SCUBE2: variants seen among roughly 807,000 people sequenced by gnomAD.
SCUBE2 encodes the protein signal peptide, CUB and EGF-like domain-containing protein 2.
Under a neutral mutation model 125.9 loss-of-function variants are expected in SCUBE2, and 114 were observed. The observed-to-expected ratio is 0.91, with a 90% CI of 0.78 to 1.06. The LOEUF is 1.06. Ranked by LOEUF, SCUBE2 falls within the 50% of genes least tolerant of loss-of-function variation. The probability of loss-of-function intolerance (pLI) is 0.00; values close to 1 mark genes in which losing one functional copy is unlikely to be tolerated. For synonymous variants in SCUBE2, 459 were observed against 492.9 expected, an observed-to-expected ratio of 0.93 and a Z score of 0.91; for missense variants, 1,255 against 1,301.8, an observed-to-expected ratio of 0.96 and a Z score of 0.55.
intron 10 of SCUBE2, among the ~76,000 whole-genome samples, chr11:9,054,725 A>ATATATATATATATTTTTTTT (rs1368153935): frequency 9.0e-5 from 2 of 22,346 alleles, no homozygotes; most frequent in Non-Finnish European, 1.4e-4. Flanking sequence ...ATATATATAT[A>ATATATATATATATTTTTTTT]TTTTTTTTTT....
rs575035933 is a variant in SCUBE2 at position 9,047,987 on chromosome 11, A to G, written c.1751T>C (p.Ile584Thr). ...AGTTTCAAGCTCAAACTCAACAGTG[A>G]TAAACATTTCCTTAGGGGTGCTTGG... ...GRPSTPKEMFITVEFELETNQ... is the reference protein window; with the variant it reads ...GRPSTPKEMFTTVEFELETNQ... Residue 584 changes from isoleucine (I) to threonine (T), a missense_variant, in exon 15 of 23, where the codon ATC becomes ACC. Around this residue, in one of 3 missense-constraint regions of SCUBE2, gnomAD observed 378 missense variants for 463.1 expected, o/e 0.82. Transcript: ENST00000649792. 6.2e-7 allele frequency: 1 copy of G among 1,614,154 alleles called. No individual in the cohort carries two copies. Among genetic ancestry groups the G allele is most frequent in the South Asian group, 1.1e-5 (1 of 91,082 alleles).
chr11:9,025,657 T>C, intron 21 of SCUBE2, 45 bp downstream of exon 21: 1 of 1,607,236 alleles, frequency 6.2e-7, no homozygotes, highest in African/African-American at 1.3e-5. Context: ...GTTGGCTCTG[T>C]TCAAAGCAGA....
intron 6 of SCUBE2, 68 bp from the exon 7 acceptor site, chr11:9,066,048 G>A: frequency 1.9e-6 from 2 of 1,069,810 alleles, no homozygotes; most frequent in Non-Finnish European, 2.8e-6. Flanking sequence ...CCATACAACT[G>A]TGTTTGCTGA....
intron 10 of SCUBE2, among the ~76,000 whole-genome samples, chr11:9,055,033 A>T (rs536017362): frequency 1.3e-5 from 2 of 152,228 alleles, no homozygotes; most frequent in African/African-American, 4.8e-5. Flanking sequence ...CACGCCCAGC[A>T]TATCCAATCT....
At chr11:9,089,197 G>A (rs1862391002) in intron 2 of SCUBE2, among the ~76,000 whole-genome samples, 1 of 152,216 alleles carries the variant, frequency 6.6e-6, no homozygotes, top group Non-Finnish European at 1.5e-5. Flanking sequence ...AACTCCAAAC[G>A]AGGAAGGTCC....
chr11:9,051,749 C>A (rs1161610744), intron 13 of SCUBE2, among the ~76,000 whole-genome samples: 2 of 152,140 alleles, frequency 1.3e-5, no homozygotes, highest in Non-Finnish European at 2.9e-5. Context: ...TGAGATAATG[C>A]ATTTAAAAAA....
intron 17 of SCUBE2, chr11:9,031,261 G>A (rs1156471063): frequency 1.6e-5 from 3 of 182,684 alleles, no homozygotes; most frequent in African/African-American, 7.0e-5. Context: ...AGGAGAGAGA[G>A]TTCTCTGCCC....
At chr11:9,058,054 T>G (rs932634219) in intron 9 of SCUBE2, among the ~76,000 whole-genome samples, 1 of 152,126 alleles carries the variant, frequency 6.6e-6, no homozygotes, top group African/African-American at 2.4e-5. Context: ...GGGAAGGATG[T>G]GTTTGAGAAG....
intron 21 of SCUBE2, among the ~76,000 whole-genome samples, chr11:9,022,375 T>C (rs897365374): frequency 6.6e-6 from 1 of 152,186 alleles, no homozygotes; most frequent in Non-Finnish European, 1.5e-5. Context: ...ATCCCTCCCT[T>C]GACCTCATTT....
At position 9,030,182 on chromosome 11, in the gene SCUBE2, A is replaced by T. The variant is rs140704795; in HGVS notation, c.2342-137T>A. 3.2e-4 allele frequency: 291 copies of T among 921,768 alleles called. 3 individuals are homozygous for T. In the East Asian group the frequency reaches 7.6e-3, roughly 24 times the overall value. 57.1% of individuals were successfully genotyped at this position (921,768 alleles called of 1,614,324 possible). ...AGGGCTTTCCTACCAATCTGGGGCT[A>T]ATCAACACTTAATTCCCTAAATAGG... On this transcript the variant is annotated intron_variant, in intron 18 of 22. Coordinates refer to ENST00000649792, the MANE Select transcript of SCUBE2 (RefSeq NM_001367977.2).
chr11:9,074,659 A>C (rs1353585746), intron 3 of SCUBE2, 44 bp from the exon 4 acceptor site: 7 of 1,610,900 alleles, frequency 4.3e-6, no homozygotes, highest in Non-Finnish European at 5.9e-6. Flanking sequence ...TGACTGTTTC[A>C]ATGCCCCACC....
chr11:9,067,690 C>T (rs1232955495), intron 5 of SCUBE2, among the ~76,000 whole-genome samples: 3 of 151,660 alleles, frequency 2.0e-5, no homozygotes, highest in Non-Finnish European at 2.9e-5. Context: ...ATTCCTCAAA[C>T]GTTAAATATG....
intron 13 of SCUBE2, among the ~76,000 whole-genome samples, chr11:9,050,934 A>G (rs539231589): frequency 6.6e-6 from 1 of 152,298 alleles, no homozygotes; most frequent in South Asian, 2.1e-4. Flanking sequence ...CTCATGTGAG[A>G]GGCAAATCCA....
chr11:9,038,391 G>C (rs1856919454), intron 16 of SCUBE2, among the ~76,000 whole-genome samples: 1 of 152,284 alleles, frequency 6.6e-6, no homozygotes. Context: ...TGTAATCCCA[G>C]CACACTGGGA....
At chr11:9,064,628 C>G (rs1035812512) in intron 7 of SCUBE2, 3 of 151,944 alleles carry the variant, frequency 2.0e-5, no homozygotes, top group Non-Finnish European at 4.4e-5. Context: ...AGTTATGAGA[C>G]AAGGAAATGA....
intron 4 of SCUBE2, among the ~76,000 whole-genome samples, chr11:9,069,800 G>A (rs573975874): frequency 3.9e-5 from 6 of 152,302 alleles, no homozygotes; most frequent in Admixed American, 3.3e-4. Context: ...TGGTACTCAC[G>A]CTCTTATCTC....
At position 9,019,572 on chromosome 11, in the gene SCUBE2, G is replaced by A. The variant is rs976597237; in HGVS notation, c.*1473C>T. Among the ~76,000 whole-genome samples, 1 of 151,408 alleles carries A rather than the reference G, an allele frequency of 6.6e-6. No homozygotes were observed. The highest frequency in any genetic ancestry group is 1.5e-5 in the Non-Finnish European group (1 of 67,898). On this transcript the variant is annotated 3_prime_UTR_variant, in exon 23 of 23. Coordinates refer to ENST00000649792, the MANE Select transcript of SCUBE2 (RefSeq NM_001367977.2). ...AGAGAAATCTGAAAATGAATATTTA[G>A]GGCCCATCCAAATAAAGAAGTTTGA...
intron 5 of SCUBE2, among the ~76,000 whole-genome samples, chr11:9,068,912 TCCA>T (rs2135748039): frequency 6.6e-6 from 1 of 152,182 alleles, no homozygotes; most frequent in East Asian, 1.9e-4. Context: ...TGAGTGAGAG[TCCA>T]CCACGCCAGG....
At position 9,027,989 on chromosome 11, in the gene SCUBE2, G is replaced by A. The variant is rs1000819874; in HGVS notation, c.2504-428C>T. ...TTTTCAGAGAACTTTGATGAAGACAGACATATATTTTTCACTTTTCTCTCT... is the reference window on the plus strand; with the variant it reads ...TTTTCAGAGAACTTTGATGAAGACAAACATATATTTTTCACTTTTCTCTCT... On this transcript the variant is annotated intron_variant, in intron 19 of 22. Transcript: ENST00000649792. 1.1e-4 allele frequency among the ~76,000 whole-genome samples: 16 copies of A among 152,264 alleles called. 1 individual carries two copies. The highest frequency in any genetic ancestry group is 3.8e-4 in the African/African-American group (16 of 41,560).
Sources: gnomAD v4.1 joint callset for allele counts (sites outside exome capture counted in the v4.1 genomes callset) on GRCh38, gnomAD v4.1.1 for gene constraint, gnomAD v4.1.1 regional missense constraint, MANE v1.5 for transcripts, NCBI Gene and HGNC (gene_info 2026-07-23, HGNC 2026-07-21) for gene names.